The following CADM2 variants were observed in gnomAD, a reference collection of about 807,000 sequenced individuals.
CADM2 encodes the protein cell adhesion molecule 2.
CADM2 carries 12 observed loss-of-function variants against 49.8 expected under a neutral mutation model. The ratio of observed to expected loss-of-function variants is 0.24; its 90% confidence interval spans 0.15 to 0.39. CADM2 has a LOEUF of 0.39. CADM2 is among the 10% of genes least tolerant of loss of function. The pLI, the probability that CADM2 is intolerant of heterozygous loss-of-function variation, is 1.00. For missense variants in CADM2, 378 were observed against 492.3 expected, an observed-to-expected ratio of 0.77 and a Z score of 2.20; for synonymous variants, 214 against 175.4, an observed-to-expected ratio of 1.22 and a Z score of -1.74.
chr3:85,366,885 A>G (rs2032825908), intron 1 of CADM2, among the ~76,000 whole-genome samples: 1 of 152,068 alleles, frequency 6.6e-6, no homozygotes, highest in South Asian at 2.1e-4. Flanking sequence ...AGGTATGAAG[A>G]AAATAGTTTT....
intron 7 of CADM2, among the ~76,000 whole-genome samples, chr3:85,953,501 T>A (rs997441748): frequency 6.6e-6 from 1 of 150,900 alleles, no homozygotes; most frequent in African/African-American, 2.4e-5. Flanking sequence ...TTTCTACTTG[T>A]CAAAATTCTG....
chr3:85,471,687 C>CATTTCATTTTATTTT (rs1553727390), intron 1 of CADM2, among the ~76,000 whole-genome samples: 1 of 143,348 alleles, frequency 7.0e-6, no homozygotes, highest in African/African-American at 2.6e-5. Context: ...ATATTTTTAG[C>CATTTCATTTTATTTT]ATTTTATTTT....
At chr3:85,354,642 G>GAGAGAGAGAGAGAGAGAGAGAGAGAGAT (rs1328548652) in intron 1 of CADM2, among the ~76,000 whole-genome samples, 1 of 150,484 alleles carries the variant, frequency 6.6e-6, no homozygotes. Context: ...GAGAGAGAGA[G>GAGAGAGAGAGAGAGAGAGAGAGAGAGAT]AAGCCTATTC....
chr3:85,107,320 T>C (rs1219446653), intron 1 of CADM2, among the ~76,000 whole-genome samples: 2 of 152,268 alleles, frequency 1.3e-5, no homozygotes, highest in African/African-American at 2.4e-5. Context: ...AAGTACACAA[T>C]TGGCCAGAAG....
intron 1 of CADM2, among the ~76,000 whole-genome samples, chr3:85,670,437 T>A (rs979955948): frequency 6.6e-6 from 1 of 152,134 alleles, no homozygotes; most frequent in African/African-American, 2.4e-5. Flanking sequence ...CCTTACTCAA[T>A]AGTCATTAAA....
At chr3:85,545,484 T>C (rs1324058612) in intron 1 of CADM2, among the ~76,000 whole-genome samples, 1 of 152,220 alleles carries the variant, frequency 6.6e-6, no homozygotes, top group Non-Finnish European at 1.5e-5. Context: ...GATTCCAAAC[T>C]ATATCTGTGT....
At chr3:85,569,342 C>A (rs1230947909) in intron 1 of CADM2, among the ~76,000 whole-genome samples, 1 of 151,938 alleles carries the variant, frequency 6.6e-6, no homozygotes, top group Admixed American at 6.6e-5. Flanking sequence ...TATATTTAAT[C>A]ATCTAGCCAT....
chr3:85,144,379 G>A (rs897535719), intron 1 of CADM2, among the ~76,000 whole-genome samples: 2 of 151,988 alleles, frequency 1.3e-5, no homozygotes, highest in Non-Finnish European at 2.9e-5. Context: ...GGGAGACCGA[G>A]GCGGGCAGAT....
intron 1 of CADM2, among the ~76,000 whole-genome samples, chr3:85,211,682 C>A (rs1040916312): frequency 6.6e-6 from 1 of 152,052 alleles, no homozygotes. Flanking sequence ...ATTTAAAACT[C>A]GTTTTGCAGC....
intron 1 of CADM2, among the ~76,000 whole-genome samples, chr3:85,604,004 A>G (rs1040284529): frequency 1.3e-5 from 2 of 151,908 alleles, no homozygotes; most frequent in Non-Finnish European, 2.9e-5. Context: ...ATTTCCATAT[A>G]TTCATTTAAA....
chr3:85,378,156 T>G (rs2107344587), intron 1 of CADM2, among the ~76,000 whole-genome samples: 1 of 152,114 alleles, frequency 6.6e-6, no homozygotes, highest in East Asian at 1.9e-4. Flanking sequence ...TCCTAAAAAT[T>G]TGAATGGTTT....
intron 1 of CADM2, among the ~76,000 whole-genome samples, chr3:85,093,000 C>A (rs1405090919): frequency 6.6e-6 from 1 of 152,134 alleles, no homozygotes; most frequent in African/African-American, 2.4e-5. Context: ...TTTGCATAAA[C>A]TTTTCTACTT....
At chr3:85,848,772 G>A (rs2074979954) in intron 3 of CADM2, among the ~76,000 whole-genome samples, 1 of 152,098 alleles carries the variant, frequency 6.6e-6, no homozygotes, top group South Asian at 2.1e-4. Flanking sequence ...ATAAATTATG[G>A]ATAAATATTT....
In CADM2 at chr3:85,562,304, C is replaced by A. The variant is rs180703036; in HGVS notation, c.62-164218C>A. 7.5e-3 allele frequency among the ~76,000 whole-genome samples: 1,143 copies of A among 151,876 alleles called. 19 individuals are homozygous for A. Among genetic ancestry groups the A allele is most frequent in the African/African-American group, 0.027 (1,103 of 41,426 alleles). On this transcript the variant is annotated intron_variant, in intron 1 of 9. Transcript: ENST00000383699. Reference sequence around the variant, plus strand: ...AGACCAGCCTGACAACATTGAGAGACCTGATCTCTACTAAAAATACAAAAT... The same window carrying A: ...AGACCAGCCTGACAACATTGAGAGAACTGATCTCTACTAAAAATACAAAAT...
intron 1 of CADM2, among the ~76,000 whole-genome samples, chr3:85,190,541 T>C (rs971653924): frequency 2.0e-5 from 3 of 152,088 alleles, no homozygotes; most frequent in Non-Finnish European, 4.4e-5. Flanking sequence ...AGGAAATTAT[T>C]CAGTAAAATT....
At chr3:85,552,290 T>A (rs12492753) in intron 1 of CADM2, among the ~76,000 whole-genome samples, 90,066 of 146,606 alleles carry the variant, frequency 0.61, 28,252 homozygotes, top group East Asian at 0.93. Flanking sequence ...GACATTTAAA[T>A]AATAATTTGG....
intron 1 of CADM2, among the ~76,000 whole-genome samples, chr3:85,287,886 A>G (rs1901547): frequency 0.68 from 101,140 of 149,646 alleles, 35,004 homozygotes; most frequent in African/African-American, 0.82. Flanking sequence ...TTATAGGTGG[A>G]AACTGAACAA....
intron 1 of CADM2, among the ~76,000 whole-genome samples, chr3:85,416,393 C>A (rs540960439): frequency 1.3e-5 from 2 of 152,112 alleles, no homozygotes; most frequent in African/African-American, 4.8e-5. Flanking sequence ...CTGTTAGTGG[C>A]AGAAGACCTG....
chr3:84,991,642 G>A (rs2032895380), intron 1 of CADM2, among the ~76,000 whole-genome samples: 1 of 152,176 alleles, frequency 6.6e-6, no homozygotes, highest in Admixed American at 6.5e-5. Flanking sequence ...CAGCAATGAA[G>A]TTCCTTGATG....
Sources: gnomAD v4.1 joint callset for allele counts (sites outside exome capture counted in the v4.1 genomes callset) on GRCh38, gnomAD v4.1.1 for gene constraint, MANE v1.5 for transcripts, NCBI Gene and HGNC (gene_info 2026-07-23, HGNC 2026-07-21) for gene names.